The following WASHC4 variants were observed in gnomAD, a reference collection of about 807,000 sequenced individuals.
The protein encoded by WASHC4 is WASH complex subunit 7.
Under a neutral mutation model 166.6 loss-of-function variants are expected in WASHC4, and 86 were observed. The observed-to-expected ratio is 0.52, with a 90% CI of 0.43 to 0.62. WASHC4 has a LOEUF of 0.62. Ranked by LOEUF, WASHC4 falls within the 20% of genes least tolerant of loss-of-function variation. WASHC4 has a pLI of 0.00. For missense variants in WASHC4, 1,262 were observed against 1,382.4 expected (o/e 0.91, Z 1.38); for synonymous variants, 446 against 451.6 (o/e 0.99, Z 0.16).
chr12:105,118,408 G>T, intron 6 of WASHC4, 38 bp from the exon 7 acceptor site: 1 of 1,354,332 alleles, frequency 7.4e-7, no homozygotes, highest in East Asian at 2.3e-5. Flanking sequence ...GAGATTTAAA[G>T]AGTAACTTTA....
intron 12 of WASHC4, 62 bp downstream of exon 12, chr12:105,126,424 AT>A (rs1881288043): frequency 8.1e-7 from 1 of 1,235,696 alleles, no homozygotes; most frequent in Admixed American, 2.0e-5. Context: ...ATAAAACTAA[AT>A]ATTTTAAAAT....
intron 13 of WASHC4, 23 bp downstream of exon 13, chr12:105,127,312 A>ATCTT: frequency 6.7e-7 from 1 of 1,484,624 alleles, no homozygotes; most frequent in African/African-American, 1.4e-5. Flanking sequence ...AACAAGTATA[A>ATCTT]TGAAAATATT....
intron 8 of WASHC4, 47 bp from the exon 9 acceptor site, chr12:105,121,054 A>G (rs1280417515): frequency 9.4e-6 from 12 of 1,280,164 alleles, no homozygotes; most frequent in Admixed American, 5.0e-5. Flanking sequence ...ATGAGGCTTA[A>G]CTTCTAACTA....
chr12:105,116,943 G>A (rs1880239464), intron 6 of WASHC4, among the ~76,000 whole-genome samples: 1 of 152,172 alleles, frequency 6.6e-6, no homozygotes, highest in African/African-American at 2.4e-5. Flanking sequence ...AGGTGGCACT[G>A]CCTATCTGCT....
chr12:105,167,037 T>G lies in WASHC4; in HGVS notation c.*106T>G. On this transcript the variant is annotated 3_prime_UTR_variant, in exon 33 of 33. Transcript: ENST00000332180. ...TGAATTGTTTCCTGGGTCACATCTCTGGAAAATAGATGTTACAGTTCTTAA... is the reference window on the plus strand; with the variant it reads ...TGAATTGTTTCCTGGGTCACATCTCGGGAAAATAGATGTTACAGTTCTTAA... 2 of 791,590 alleles carry G rather than the reference T, an allele frequency of 2.5e-6. No homozygotes were observed. Among genetic ancestry groups the G allele is most frequent in the Non-Finnish European group, 4.4e-6 (2 of 450,542 alleles). The allele number at this position is 791,590 out of a possible 1,614,324, so 49.0% of individuals were successfully genotyped here.
chr12:105,111,758 C>T (rs2135718709), intron 2 of WASHC4, among the ~76,000 whole-genome samples: 1 of 152,154 alleles, frequency 6.6e-6, no homozygotes, highest in East Asian at 1.9e-4. Context: ...TTACTCTTTC[C>T]ATTTTGAAAT....
rs1282055712 is a variant in WASHC4, at chr12:105,167,128, G to T, written c.*197G>T. On this transcript the variant is annotated 3_prime_UTR_variant, in exon 33 of 33. Coordinates refer to ENST00000332180, the MANE Select transcript of WASHC4 (RefSeq NM_015275.3). Reference sequence around the variant, plus strand: ...CTCTACTTTCAAAGGTTAAGAATGAGATTTTAAAATTGGATTTTTGCCTGG... The same window carrying T: ...CTCTACTTTCAAAGGTTAAGAATGATATTTTAAAATTGGATTTTTGCCTGG... 1 of 542,464 alleles carries T rather than the reference G, an allele frequency of 1.8e-6. No homozygotes were observed. Among genetic ancestry groups the T allele is most frequent in the East Asian group, 3.0e-5 (1 of 33,052 alleles). The allele number at this position is 542,464 out of a possible 1,614,324, so 33.6% of individuals were successfully genotyped here.
At chr12:105,113,028 G>T (rs1879834422) in intron 2 of WASHC4, among the ~76,000 whole-genome samples, 2 of 152,002 alleles carry the variant, frequency 1.3e-5, no homozygotes, top group Non-Finnish European at 2.9e-5. Flanking sequence ...TTTCTTGCAG[G>T]CTGGATAGAC....
chr12:105,126,891 T>TTG (rs1401022219), intron 12 of WASHC4, among the ~76,000 whole-genome samples: 2 of 152,068 alleles, frequency 1.3e-5, no homozygotes, highest in East Asian at 1.9e-4. Flanking sequence ...AAAGGGTGTT[T>TTG]TGTGTGTGTG....
At chr12:105,146,421 T>C in intron 22 of WASHC4, 31 bp from the exon 23 acceptor site, 1 of 1,196,312 alleles carries the variant, frequency 8.4e-7, no homozygotes, top group East Asian at 2.3e-5. Context: ...TAATGAATTA[T>C]AATAAAACTT....
rs768000879 is a variant in WASHC4, at chr12:105,137,862, T to C, written c.1327-24T>C. Reference sequence around the variant, plus strand: ...CTTGAAGAAAATCTTTCCTTGTGATTATAATCAATGTTTTCCTTTACAGGG... The same window carrying C: ...CTTGAAGAAAATCTTTCCTTGTGATCATAATCAATGTTTTCCTTTACAGGG... On this transcript the variant is annotated intron_variant, in intron 14 of 32. Coordinates refer to ENST00000332180, the MANE Select transcript of WASHC4 (RefSeq NM_015275.3). The C allele has an allele frequency of 7.6e-6, 12 of 1,585,208 alleles. No individual in the cohort carries two copies. In the Middle Eastern group the frequency reaches 6.7e-4, roughly 89 times the overall value.
At chr12:105,163,953 CATT>C (rs970721360) in intron 30 of WASHC4, among the ~76,000 whole-genome samples, 155 bp from the exon 31 acceptor site, 29 of 152,320 alleles carry the variant, frequency 1.9e-4, no homozygotes, top group African/African-American at 6.0e-4. Context: ...TTAAACCCAT[CATT>C]CATTTATGCT....
At chr12:105,108,496 T>C (rs1047307633) in intron 1 of WASHC4, among the ~76,000 whole-genome samples, 16 of 152,318 alleles carry the variant, frequency 1.1e-4, no homozygotes, top group Admixed American at 3.9e-4. Context: ...ATCGCAGTTA[T>C]AAAGGCTTCA....
At chr12:105,118,725 G>C (rs537760526) in intron 7 of WASHC4, among the ~76,000 whole-genome samples, 197 bp downstream of exon 7, 49 of 152,288 alleles carry the variant, frequency 3.2e-4, no homozygotes, top group Admixed American at 9.8e-4. Context: ...CCCATTATCT[G>C]TCTGAATGAC....
At chr12:105,109,889 C>T (rs1423627986) in intron 1 of WASHC4, among the ~76,000 whole-genome samples, 1 of 152,122 alleles carries the variant, frequency 6.6e-6, no homozygotes, top group Non-Finnish European at 1.5e-5. Flanking sequence ...GGGTGAGCCA[C>T]CATGCCCGGC....
chr12:105,135,577 G>A (rs919595461), intron 14 of WASHC4, among the ~76,000 whole-genome samples: 1 of 151,788 alleles, frequency 6.6e-6, no homozygotes. Context: ...GTGTGTTTGT[G>A]CTACTTTGGG....
chr12:105,163,219 A>G (rs1884612407), intron 30 of WASHC4, among the ~76,000 whole-genome samples: 2 of 152,108 alleles, frequency 1.3e-5, no homozygotes, highest in Non-Finnish European at 2.9e-5. Flanking sequence ...CAGCCTCCCA[A>G]AGTGCTGGGA....
chr12:105,117,934 G>T (rs1304412732), intron 6 of WASHC4, among the ~76,000 whole-genome samples: 1 of 152,184 alleles, frequency 6.6e-6, no homozygotes, highest in Non-Finnish European at 1.5e-5. Flanking sequence ...CTTGCTGTGT[G>T]CCAAGCCTGC....
chr12:105,144,967 G>T, intron 22 of WASHC4, 95 bp downstream of exon 22: 3 of 1,218,520 alleles, frequency 2.5e-6, no homozygotes, highest in East Asian at 2.4e-5. Flanking sequence ...TAGTTAGTAT[G>T]TGCTTATTTT....
Sources: allele counts gnomAD v4.1 joint callset (sites outside exome capture counted in the v4.1 genomes callset), GRCh38; gene constraint gnomAD v4.1.1; transcripts MANE v1.5; gene names NCBI Gene and HGNC (gene_info 2026-07-23, HGNC 2026-07-21).